Variants in RNF8 observed in about 807,000 individuals in gnomAD.
RNF8 encodes the protein ring finger protein 8.
A neutral mutation model predicts 59.3 loss-of-function variants in RNF8; 8 were observed. That is an observed-to-expected ratio of 0.13 (90% CI 0.08 to 0.24). The LOEUF is 0.24. Ranked by LOEUF, RNF8 falls within the 10% of genes least tolerant of loss-of-function variation. The probability of loss-of-function intolerance (pLI) is 1.00; values close to 1 mark genes in which losing one functional copy is unlikely to be tolerated. For synonymous variants in RNF8, 162 were observed against 200.0 expected, an observed-to-expected ratio of 0.81 and a Z score of 1.60; for missense variants, 406 against 572.6, an observed-to-expected ratio of 0.71 and a Z score of 2.97.
At position 37,390,786 on chromosome 6, in the gene RNF8, A is replaced by C; in HGVS notation, c.*28A>C. The C allele has an allele frequency of 6.2e-7, 1 of 1,614,178 alleles. No homozygotes were observed. The highest frequency in any genetic ancestry group is 1.1e-5 in the South Asian group (1 of 91,082). On this transcript the variant is annotated 3_prime_UTR_variant, in exon 8 of 8. Coordinates refer to ENST00000373479, the MANE Select transcript of RNF8 (RefSeq NM_003958.4). ...ACCGTGCTCTAAGGGCATTTGAAAG[A>C]CTGCCAGGTAGTGCGAGCCTGAGAT... is the stretch of plus-strand genomic sequence containing the variant.
At chr6:37,354,559 G>A (rs1581657212) in intron 1 of RNF8, among the ~76,000 whole-genome samples, 2 of 152,274 alleles carry the variant, frequency 1.3e-5, no homozygotes, top group South Asian at 2.1e-4. Flanking sequence ...GGGAGCCCGG[G>A]GGGGCCACAA....
chr6:37,367,038 CT>C (rs1769584670), intron 2 of RNF8, among the ~76,000 whole-genome samples: 1 of 152,206 alleles, frequency 6.6e-6, no homozygotes, highest in African/African-American at 2.4e-5. Context: ...CTTTCATGTC[CT>C]TTTCACTCAA....
chr6:37,387,450 C>T (rs759906310), intron 7 of RNF8, among the ~76,000 whole-genome samples: 1 of 152,178 alleles, frequency 6.6e-6, no homozygotes, highest in Non-Finnish European at 1.5e-5. Flanking sequence ...CAAGCATCCT[C>T]CCATCTCAGC....
rs570154706 is a variant in RNF8 at position 37,360,788 on chromosome 6, A to C, written c.240+214A>C. 1.3e-4 allele frequency among the ~76,000 whole-genome samples: 20 copies of C among 152,272 alleles called. No homozygotes were observed. The East Asian group carries it at 3.9e-3, about 29-fold the overall frequency. ...TCTTGATTTGGGTTAAAGTTTGTTA[A>C]CTTGAAGAGAATACCTGAATTGGGG... is the stretch of plus-strand genomic sequence containing the variant. On this transcript the variant is annotated intron_variant, in intron 2 of 7. Coordinates refer to ENST00000373479, the MANE Select transcript of RNF8 (RefSeq NM_003958.4). The surrounding 1 kb of genome is among the most constrained non-coding windows in gnomAD (Gnocchi z 4.2).
At chr6:37,364,040 G>A (rs1362150156) in intron 2 of RNF8, among the ~76,000 whole-genome samples, 5 of 152,074 alleles carry the variant, frequency 3.3e-5, no homozygotes, top group East Asian at 1.9e-4. Flanking sequence ...TTAGCCAGGC[G>A]TGGTGGCGGG....
chr6:37,374,390 G>A (rs1456401141), intron 4 of RNF8, among the ~76,000 whole-genome samples: 1 of 152,198 alleles, frequency 6.6e-6, no homozygotes, highest in African/African-American at 2.4e-5. Flanking sequence ...GTTAGTTTTA[G>A]AGGCCCTAGT....
chr6:37,368,312 C>A, intron 2 of RNF8, 172 bp from the exon 3 acceptor site: 1 of 1,524,648 alleles, frequency 6.6e-7, no homozygotes, highest in Non-Finnish European at 8.8e-7. Context: ...AGCCAAAGCA[C>A]TGCTTGACGA....
chr6:37,393,313 GCCTGAATGTA>G lies in RNF8; in HGVS notation c.*2557_*2566del, dbSNP rs949504060. 2 of 152,142 alleles carry G rather than the reference GCCTGAATGTA, an allele frequency of 1.3e-5. No individual in the cohort carries two copies. The highest frequency in any genetic ancestry group is 4.8e-5 in the African/African-American group (2 of 41,438). 9.4% of individuals were successfully genotyped at this position (152,142 alleles called of 1,614,324 possible). On this transcript the variant is annotated 3_prime_UTR_variant, in exon 8 of 8. Coordinates refer to ENST00000373479, the MANE Select transcript of RNF8 (RefSeq NM_003958.4). ...ATTATTGCCCTGATCACAAACAAAA[GCCTGAATGTA>G]CTATGTTTAAAAGACAAACCAAAAA... is the stretch of plus-strand genomic sequence containing the variant.
chr6:37,360,427 C>A lies in RNF8; in HGVS notation c.112-19C>A, dbSNP rs376907718. 6.3e-7 allele frequency: 1 copy of A among 1,596,046 alleles called. No individual in the cohort carries two copies. ...GCACAATGACTGATGGTATTTCTTGCATTGTTGTTGTCTCCCAGGTGACTG... is the reference window on the plus strand; with the variant it reads ...GCACAATGACTGATGGTATTTCTTGAATTGTTGTTGTCTCCCAGGTGACTG... On this transcript the variant is annotated intron_variant, in intron 1 of 7. Transcript: ENST00000373479. The surrounding 1 kb of genome is among the most constrained non-coding windows in gnomAD (Gnocchi z 4.2).
At chr6:37,362,956 A>T (rs1769384265) in intron 2 of RNF8, among the ~76,000 whole-genome samples, 2 of 152,340 alleles carry the variant, frequency 1.3e-5, no homozygotes, top group African/African-American at 2.4e-5. Context: ...TGGTCAATTC[A>T]TAAGCTTTTC....
chr6:37,378,348 C>A (rs566630565), intron 6 of RNF8, among the ~76,000 whole-genome samples: 1 of 152,146 alleles, frequency 6.6e-6, no homozygotes, highest in East Asian at 1.9e-4. Context: ...TGCCTATAAT[C>A]CGAGCACTTT....
intron 3 of RNF8, 44 bp downstream of exon 3, chr6:37,369,262 G>A (rs1769700440): frequency 6.5e-7 from 1 of 1,526,964 alleles, no homozygotes; most frequent in African/African-American, 1.4e-5. Flanking sequence ...TCAGGGGTGG[G>A]GCAGGCACTT....
At chr6:37,380,943 G>A (rs951328027) in intron 6 of RNF8, among the ~76,000 whole-genome samples, 2 of 151,980 alleles carry the variant, frequency 1.3e-5, no homozygotes, top group Middle Eastern at 3.2e-3. Flanking sequence ...TTGGCCTTCC[G>A]AAGTGCCAGG....
chr6:37,384,928 C>T (rs1770427520), intron 7 of RNF8, among the ~76,000 whole-genome samples: 1 of 152,034 alleles, frequency 6.6e-6, no homozygotes, highest in African/African-American at 2.4e-5. Flanking sequence ...CAGTGTTTGT[C>T]TAAGGGAAAA....
chr6:37,386,347 T>C (rs1770496120), intron 7 of RNF8, among the ~76,000 whole-genome samples: 1 of 152,212 alleles, frequency 6.6e-6, no homozygotes, highest in African/African-American at 2.4e-5. Flanking sequence ...TCCTTCCATC[T>C]GGAGGTCAAA....
chr6:37,379,468 T>C (rs2113829804), intron 6 of RNF8, among the ~76,000 whole-genome samples: 1 of 152,314 alleles, frequency 6.6e-6, no homozygotes, highest in East Asian at 1.9e-4. Flanking sequence ...AATGAGCATT[T>C]TTGAGCCTCA....
chr6:37,390,332 C>T (rs1235572065), intron 7 of RNF8, among the ~76,000 whole-genome samples: 1 of 152,186 alleles, frequency 6.6e-6, no homozygotes, highest in Non-Finnish European at 1.5e-5. Flanking sequence ...TCAAGGAAGG[C>T]ACCTCTGAGC....
intron 1 of RNF8, among the ~76,000 whole-genome samples, chr6:37,357,062 C>G (rs529548733): frequency 6.6e-6 from 1 of 152,238 alleles, no homozygotes; most frequent in South Asian, 2.1e-4. Context: ...ATTTGAGAAA[C>G]AGTAGGAATT....
intron 1 of RNF8, 94 bp downstream of exon 1, chr6:37,354,369 T>C: frequency 1.1e-6 from 1 of 939,854 alleles, no homozygotes; most frequent in South Asian, 1.7e-5. Context: ...GCTGAATGAA[T>C]GGCAGAGAGG....
Sources: gnomAD v4.1 joint callset for allele counts (sites outside exome capture counted in the v4.1 genomes callset) on GRCh38, gnomAD v4.1.1 for gene constraint, Gnocchi (gnomAD v3.1) non-coding constraint, MANE v1.5 for transcripts, NCBI Gene and HGNC (gene_info 2026-07-23, HGNC 2026-07-21) for gene names.